Variants in GPC6 observed in about 807,000 individuals in gnomAD.
GPC6 encodes the protein glypican 6, also known as glypican-6.
In GPC6, 14 loss-of-function variants were observed where a neutral mutation model predicts 55.2. The ratio of observed to expected loss-of-function variants is 0.25; its 90% CI spans 0.17 to 0.40. The LOEUF is 0.40. Ranked by LOEUF, GPC6 falls within the 10% of genes least tolerant of loss-of-function variation. The probability of loss-of-function intolerance (pLI) is 1.00; values close to 1 mark genes in which losing one functional copy is unlikely to be tolerated. For missense variants in GPC6, 641 were observed against 708.5 expected (o/e 0.90, Z 1.08); for synonymous variants, 278 against 259.6 (o/e 1.07, Z -0.68).
At chr13:93,758,497 A>C (rs1008656662) in intron 2 of GPC6, among the ~76,000 whole-genome samples, 1 of 152,134 alleles carries the variant, frequency 6.6e-6, no homozygotes, top group African/African-American at 2.4e-5. Flanking sequence ...TATACATATC[A>C]ATCTATAAAA....
chr13:93,872,510 G>A lies in GPC6; in HGVS notation c.711+41965G>A, dbSNP rs190411546. On this transcript the variant is annotated intron_variant, in intron 3 of 8. Transcript: ENST00000377047. ...GGCCTTACTGGGCTAAAATCAAGGTGTTCTCAGTGCTGCGATTCTTCTTGG... is the reference window on the plus strand; with the variant it reads ...GGCCTTACTGGGCTAAAATCAAGGTATTCTCAGTGCTGCGATTCTTCTTGG... Among the ~76,000 whole-genome samples the A allele has an allele frequency of 2.1e-3, 314 of 152,068 alleles. 3 individuals are homozygous for A. Among genetic ancestry groups the A allele is most frequent in the African/African-American group, 7.4e-3 (306 of 41,538 alleles).
intron 4 of GPC6, among the ~76,000 whole-genome samples, chr13:94,255,638 C>T (rs76948706): frequency 6.3e-4 from 96 of 152,188 alleles, no homozygotes; most frequent in African/African-American, 2.2e-3. Flanking sequence ...GAGTCACCTG[C>T]TCTGGGGCCT....
intron 1 of GPC6, among the ~76,000 whole-genome samples, chr13:93,438,694 T>C (rs1877664818): frequency 6.6e-6 from 1 of 152,194 alleles, no homozygotes; most frequent in African/African-American, 2.4e-5. Flanking sequence ...TTGAGGATGC[T>C]ATGAATATTG....
At chr13:94,119,643 C>G (rs1177456945) in intron 4 of GPC6, among the ~76,000 whole-genome samples, 1 of 152,122 alleles carries the variant, frequency 6.6e-6, no homozygotes. Context: ...CCAGTGCCCC[C>G]TGGAGTTGTG....
At chr13:93,606,940 CT>C (rs1878260459) in intron 2 of GPC6, among the ~76,000 whole-genome samples, 1 of 152,096 alleles carries the variant, frequency 6.6e-6, no homozygotes, top group Non-Finnish European at 1.5e-5. Flanking sequence ...TTTGCCATTT[CT>C]TTAATTTTTT....
intron 3 of GPC6, among the ~76,000 whole-genome samples, chr13:93,930,275 G>GTTTTT (rs35858695): frequency 5.5e-4 from 68 of 123,844 alleles, no homozygotes; most frequent in African/African-American, 2.0e-3. Context: ...GAAACGAAAG[G>GTTTTT]TTTTTTTTTT....
chr13:93,756,600 C>T (rs1884779132), intron 2 of GPC6, among the ~76,000 whole-genome samples: 1 of 152,104 alleles, frequency 6.6e-6, no homozygotes, highest in Admixed American at 6.6e-5. Context: ...TCACCAATGC[C>T]AAGGCAGAAG....
chr13:93,716,135 A>G (rs1189863902), intron 2 of GPC6, among the ~76,000 whole-genome samples: 1 of 151,712 alleles, frequency 6.6e-6, no homozygotes, highest in Non-Finnish European at 1.5e-5. Flanking sequence ...GTTGTATAAT[A>G]AAAGTATAGT....
At chr13:93,231,361 G>C in intron 1 of GPC6, among the ~76,000 whole-genome samples, 1 of 86,214 alleles carries the variant, frequency 1.2e-5, no homozygotes, top group Non-Finnish European at 2.3e-5. Context: ...ATATATATAC[G>C]TATATATATA....
At chr13:94,156,070 A>C (rs779874122) in intron 4 of GPC6, among the ~76,000 whole-genome samples, 2 of 152,178 alleles carry the variant, frequency 1.3e-5, no homozygotes, top group South Asian at 4.1e-4. Context: ...AGATGATCCA[A>C]CATCAAAACA....
chr13:94,297,440 A>G lies in GPC6; in HGVS notation c.1009-8540A>G, dbSNP rs373379945. Among the ~76,000 whole-genome samples the G allele has an allele frequency of 1.7e-4, 26 of 152,314 alleles. 1 individual carries two copies. The highest frequency in any genetic ancestry group is 6.3e-4 in the African/African-American group (26 of 41,572). On this transcript the variant is annotated intron_variant, in intron 5 of 8. Coordinates refer to ENST00000377047, the MANE Select transcript of GPC6 (RefSeq NM_005708.5). The stretch of plus-strand genomic sequence containing the variant: ...ATCATGTAGTCAGGCCAAGAGGATT[A>G]GGGCTTTTTTCCTCTCCACACTCAA...
intron 4 of GPC6, among the ~76,000 whole-genome samples, chr13:94,162,609 A>C (rs1000710323): frequency 6.6e-6 from 1 of 152,162 alleles, no homozygotes; most frequent in African/African-American, 2.4e-5. Context: ...TAGTAAGCGA[A>C]AGGAGGGAAT....
intron 3 of GPC6, among the ~76,000 whole-genome samples, chr13:93,875,561 C>T (rs772515671): frequency 3.9e-5 from 6 of 151,954 alleles, no homozygotes; most frequent in Non-Finnish European, 8.8e-5. Context: ...GCGTCAGGTC[C>T]CTGAGGAAAG....
chr13:93,775,540 A>G (rs1019200872), intron 2 of GPC6, among the ~76,000 whole-genome samples: 3 of 152,226 alleles, frequency 2.0e-5, no homozygotes, highest in African/African-American at 4.8e-5. Context: ...AAGTGAAGCT[A>G]CAAAAGAGAT....
chr13:93,433,654 T>C (rs2139277938), intron 1 of GPC6, among the ~76,000 whole-genome samples: 1 of 152,118 alleles, frequency 6.6e-6, no homozygotes, highest in South Asian at 2.1e-4. Flanking sequence ...TATTATAAAA[T>C]AATAACCTTG....
intron 2 of GPC6, among the ~76,000 whole-genome samples, chr13:93,550,763 C>T (rs140597615): frequency 3.4e-3 from 519 of 152,114 alleles, no homozygotes; most frequent in Non-Finnish European, 5.8e-3. Context: ...TAGCATCTTT[C>T]ACATTTCTTG....
At chr13:94,036,805 C>G (rs143874874) in intron 4 of GPC6, among the ~76,000 whole-genome samples, 305 of 152,014 alleles carry the variant, frequency 2.0e-3, no homozygotes, top group Middle Eastern at 6.8e-3. Flanking sequence ...TCATAGGAAG[C>G]AAAATCTCTC....
chr13:94,273,801 G>C (rs1348051724), intron 4 of GPC6, among the ~76,000 whole-genome samples: 1 of 152,152 alleles, frequency 6.6e-6, no homozygotes, highest in Non-Finnish European at 1.5e-5. Context: ...TCTTCTCTCA[G>C]AAAGATCTTT....
At chr13:93,583,820 C>A (rs1295945857) in intron 2 of GPC6, among the ~76,000 whole-genome samples, 1 of 152,164 alleles carries the variant, frequency 6.6e-6, no homozygotes, top group Non-Finnish European at 1.5e-5. Context: ...TGTCAAGTAG[C>A]AAACCCCGTA....
Sources: gnomAD v4.1 joint callset for allele counts (sites outside exome capture counted in the v4.1 genomes callset) on GRCh38, gnomAD v4.1.1 for gene constraint, MANE v1.5 for transcripts, NCBI Gene and HGNC (gene_info 2026-07-23, HGNC 2026-07-21) for gene names.